The following LINGO2 variants were observed in gnomAD, a reference collection of about 807,000 sequenced individuals.
The protein encoded by LINGO2 is leucine-rich repeat and immunoglobulin-like domain-containing nogo receptor-interacting protein 2.
A neutral mutation model predicts 30.6 loss-of-function variants in LINGO2; 14 were observed. The ratio of observed to expected loss-of-function variants is 0.46; its 90% CI spans 0.30 to 0.72. The LOEUF (loss-of-function observed/expected upper bound fraction) is 0.72. LINGO2 is among the 30% of genes least tolerant of loss of function. The pLI, the probability that LINGO2 is intolerant of heterozygous loss-of-function variation, is 0.07. For synonymous variants in LINGO2, 317 were observed against 288.5 expected (o/e 1.10, Z -1.00); for missense variants, 729 against 751.7 (o/e 0.97, Z 0.35).
intron 2 of LINGO2, among the ~76,000 whole-genome samples, chr9:28,388,703 C>T (rs1821700348): frequency 6.6e-6 from 1 of 151,970 alleles, no homozygotes; most frequent in Admixed American, 6.6e-5. Context: ...ATGGTATTTC[C>T]TTGTGTATTT....
At chr9:27,981,240 C>G (rs1224121749) in intron 5 of LINGO2, among the ~76,000 whole-genome samples, 2 of 151,676 alleles carry the variant, frequency 1.3e-5, no homozygotes, top group East Asian at 2.0e-4. Flanking sequence ...CCATTATGTG[C>G]CAAACACTTT....
intron 4 of LINGO2, among the ~76,000 whole-genome samples, chr9:28,220,345 C>CA (rs1476127468): frequency 6.6e-6 from 1 of 152,118 alleles, no homozygotes; most frequent in Non-Finnish European, 1.5e-5. Flanking sequence ...GCTTTCAGAA[C>CA]AGGTTCACCA....
intron 1 of LINGO2, among the ~76,000 whole-genome samples, chr9:28,585,414 A>G (rs866476008): frequency 7.2e-5 from 11 of 151,994 alleles, no homozygotes; most frequent in African/African-American, 2.7e-4. Flanking sequence ...AAGATTATTA[A>G]TCCAGACAGT....
At chr9:28,743,744 T>C in the LINGO2 span, among the ~76,000 whole-genome samples, 156 of 152,026 alleles carry the variant, frequency 1.0e-3, 3 homozygotes, top group African/African-American at 3.6e-3. Flanking sequence ...TCAAGATTTT[T>C]CTATTTATAT....
rs193019012 is a variant in LINGO2, at chr9:28,199,053, A to G, written c.-87+96155T>C. 2.4e-3 allele frequency among the ~76,000 whole-genome samples: 372 copies of G among 152,340 alleles called. 3 individuals carry two copies. Among genetic ancestry groups the G allele is most frequent in the African/African-American group, 8.1e-3 (336 of 41,574 alleles). The stretch of plus-strand genomic sequence containing the variant: ...ATTTCTTTTCCATGTACATCTTGAA[A>G]AAGTCACCATCTGTAATACCATTTC... On this transcript the variant is annotated intron_variant, in intron 4 of 5. Transcript: ENST00000379992.
chr9:28,523,410 C>T (rs1275824296), intron 1 of LINGO2, among the ~76,000 whole-genome samples: 2 of 152,272 alleles, frequency 1.3e-5, no homozygotes, highest in East Asian at 3.9e-4. Context: ...CAAGGATATT[C>T]ACATTCCCCA....
intron 4 of LINGO2, among the ~76,000 whole-genome samples, chr9:28,095,049 T>C (rs1204631310): frequency 6.6e-6 from 1 of 152,136 alleles, no homozygotes; most frequent in African/African-American, 2.4e-5. Context: ...CAATTAAAAG[T>C]TTAATATTTA....
chr9:28,033,967 C>G (rs907112486), intron 4 of LINGO2, among the ~76,000 whole-genome samples: 2 of 152,188 alleles, frequency 1.3e-5, no homozygotes, highest in Admixed American at 6.5e-5. Flanking sequence ...ATCACCTTCT[C>G]TAAGAAGGGG....
At chr9:28,882,705 C>T in the LINGO2 span, among the ~76,000 whole-genome samples, 2 of 152,210 alleles carry the variant, frequency 1.3e-5, no homozygotes, top group East Asian at 3.9e-4. Flanking sequence ...CCTCGTGGAC[C>T]ACACTGACAC....
At chr9:28,539,324 T>A (rs924629971) in intron 1 of LINGO2, among the ~76,000 whole-genome samples, 1 of 152,160 alleles carries the variant, frequency 6.6e-6, no homozygotes, top group South Asian at 2.1e-4. Flanking sequence ...TGGCACATAA[T>A]AGGCATTCAG....
the LINGO2 span, among the ~76,000 whole-genome samples, chr9:29,018,159 C>A: frequency 6.7e-6 from 1 of 148,748 alleles, no homozygotes; most frequent in African/African-American, 2.5e-5. Context: ...AGTTGGAGTT[C>A]ATAATCCTAA....
At chr9:29,159,928 A>AT in the LINGO2 span, among the ~76,000 whole-genome samples, 1 of 151,882 alleles carries the variant, frequency 6.6e-6, no homozygotes, top group African/African-American at 2.4e-5. Flanking sequence ...GTTTACTATT[A>AT]CTCTCCTTTT....
rs200497927 is a variant in LINGO2, at chr9:28,040,483, CATT to C, written c.-86-28081_-86-28079del. Among the ~76,000 whole-genome samples the C allele has an allele frequency of 7.5e-3, 979 of 130,642 alleles. 9 individuals carry two copies. The highest frequency in any genetic ancestry group is 0.023 in the African/African-American group (785 of 34,444). 85.7% of individuals were successfully genotyped at this position (130,642 alleles called of 152,430 possible). On this transcript the variant is annotated intron_variant, in intron 4 of 5. Coordinates refer to ENST00000379992, the Ensembl canonical transcript of LINGO2. ...CTACCTCACAAGACAGATGGCTCTT[CATT>C]ATTAAAATCTTTTTTCTTTCCCCTC...
chr9:28,507,164 T>G (rs188826449), intron 1 of LINGO2, among the ~76,000 whole-genome samples: 115 of 152,072 alleles, frequency 7.6e-4, no homozygotes, highest in African/African-American at 2.7e-3. Context: ...CTTTTTATCC[T>G]GGATAGCTCA....
intron 1 of LINGO2, among the ~76,000 whole-genome samples, chr9:28,584,099 A>G (rs776853956): frequency 4.6e-5 from 7 of 152,016 alleles, no homozygotes; most frequent in Non-Finnish European, 1.0e-4. Context: ...ATAAGTTTCT[A>G]TTATTTACAT....
chr9:28,631,778 T>G (rs933437989), intron 1 of LINGO2, among the ~76,000 whole-genome samples: 8 of 152,068 alleles, frequency 5.3e-5, no homozygotes, highest in African/African-American at 1.9e-4. Context: ...GGGACTTCAT[T>G]CAGACTCAAA....
At chr9:28,088,533 G>T (rs1825980616) in intron 4 of LINGO2, among the ~76,000 whole-genome samples, 1 of 151,928 alleles carries the variant, frequency 6.6e-6, no homozygotes, top group Admixed American at 6.6e-5. Context: ...TGAAATGTAG[G>T]TATATCCCAG....
At chr9:28,625,042 T>C (rs1286327386) in intron 1 of LINGO2, among the ~76,000 whole-genome samples, 2 of 151,984 alleles carry the variant, frequency 1.3e-5, no homozygotes, top group African/African-American at 4.8e-5. Context: ...AGCCCAGCAC[T>C]AGAAGTTGCC....
At chr9:28,970,015 C>T in the LINGO2 span, among the ~76,000 whole-genome samples, 2 of 152,042 alleles carry the variant, frequency 1.3e-5, no homozygotes, top group African/African-American at 2.4e-5. Flanking sequence ...GCATATACTT[C>T]GGATTTCTGA....
Sources: gnomAD v4.1 joint callset for allele counts (sites outside exome capture counted in the v4.1 genomes callset) on GRCh38, gnomAD v4.1.1 for gene constraint, MANE v1.5 for transcripts, NCBI Gene and HGNC (gene_info 2026-07-23, HGNC 2026-07-21) for gene names.